Variants in SLC17A8 observed in about 807,000 individuals in gnomAD.
The protein encoded by SLC17A8 is vesicular glutamate transporter 3.
SLC17A8 carries 31 observed loss-of-function variants against 58.0 expected under a neutral mutation model. The ratio of observed to expected loss-of-function variants is 0.53; its 90% CI spans 0.40 to 0.72. The LOEUF is 0.72. Among genes scored for constraint, SLC17A8 ranks in the 30% least tolerant of loss-of-function variants. The pLI is 0.00. For missense variants in SLC17A8, 655 were observed against 727.8 expected (o/e 0.90, Z 1.15); for synonymous variants, 228 against 249.0 (o/e 0.92, Z 0.79).
intron 2 of SLC17A8, among the ~76,000 whole-genome samples, chr12:100,384,042 C>T (rs1835251965): frequency 6.6e-6 from 1 of 152,146 alleles, no homozygotes; most frequent in African/African-American, 2.4e-5. Flanking sequence ...AACATGTGAA[C>T]TCTTAGAAAA....
intron 1 of SLC17A8, among the ~76,000 whole-genome samples, chr12:100,370,496 C>T (rs549034340): frequency 3.3e-5 from 5 of 150,182 alleles, no homozygotes; most frequent in Non-Finnish European, 7.4e-5. Context: ...GGAGTTTTGC[C>T]ATGTTGGCCA....
rs59689031 is a variant in SLC17A8 at position 100,421,658 on chromosome 12, G to GTTTTTTTTTTTTTTTTTTT, written c.*1503_*1521dup. 9.1e-6 allele frequency: 1 copy of GTTTTTTTTTTTTTTTTTTT among 109,872 alleles called. No homozygotes were observed. Among genetic ancestry groups the GTTTTTTTTTTTTTTTTTTT allele is most frequent in the Admixed American group, 1.1e-4 (1 of 9,318 alleles). The allele number at this position is 109,872 out of a possible 1,614,324, so 6.8% of individuals were successfully genotyped here. On this transcript the variant is annotated 3_prime_UTR_variant, in exon 12 of 12. Coordinates refer to ENST00000323346, the MANE Select transcript of SLC17A8 (RefSeq NM_139319.3). ...TACTTGTAGCTTATTATTGTAAAGT[G>GTTTTTTTTTTTTTTTTTTT]TTTTTTTTTTTTTTTTTTTTTTCTA...
chr12:100,404,417 A>T, intron 9 of SLC17A8: 1 of 505,522 alleles, frequency 2.0e-6, no homozygotes, highest in East Asian at 3.6e-5. Context: ...TTCTCTGCTT[A>T]CCTTTCTACC....
intron 9 of SLC17A8, 143 bp from the exon 10 acceptor site, chr12:100,412,627 T>G: frequency 3.1e-6 from 2 of 636,162 alleles, no homozygotes; most frequent in South Asian, 3.5e-5. Flanking sequence ...ATTCCAGAAC[T>G]TAAAGTAAAA....
At chr12:100,359,673 A>C (rs1952472045) in intron 1 of SLC17A8, among the ~76,000 whole-genome samples, 2 of 152,208 alleles carry the variant, frequency 1.3e-5, no homozygotes, top group South Asian at 4.1e-4. Context: ...ACATTGCTTG[A>C]GCGGTGATCC....
chr12:100,396,208 A>G (rs555540597), intron 4 of SLC17A8, 122 bp from the exon 5 acceptor site: 54 of 780,834 alleles, frequency 6.9e-5, no homozygotes, highest in Admixed American at 3.6e-4. Context: ...CATTCAACCT[A>G]CAACAGTGTC....
intron 9 of SLC17A8, chr12:100,404,507 C>G (rs1952813120): frequency 5.0e-6 from 1 of 200,324 alleles, no homozygotes; most frequent in African/African-American, 2.3e-5. Context: ...TATATGCACA[C>G]ACACACACAC....
chr12:100,369,429 G>C (rs1443320552), intron 1 of SLC17A8, among the ~76,000 whole-genome samples: 2 of 152,330 alleles, frequency 1.3e-5, no homozygotes, highest in African/African-American at 4.8e-5. Flanking sequence ...ACCACTGCCT[G>C]CTTCTAAGTG....
rs761907974 is a variant in SLC17A8 at position 100,420,026 on chromosome 12, T to C, written c.1637T>C (p.Met546Thr). The C allele has an allele frequency of 7.4e-6, 12 of 1,614,030 alleles. No homozygotes were observed. The highest frequency in any genetic ancestry group is 2.2e-5 in the South Asian group (2 of 91,052). The change falls in exon 12 of 12, where the codon ATG (methionine) becomes ACG (threonine). Residue 546 changes from methionine to threonine, a missense_variant. Physicochemically the swap from Met to Thr is moderately conservative, Grantham distance 81. Transcript: ENST00000323346. ...HESFASPKKK[M>T]SYGATSQNCE... ...AGTTTTGCGAGTCCCAAAAAGAAGA[T>C]GTCTTATGGAGCCACCTCCCAGAAT...
intron 9 of SLC17A8, among the ~76,000 whole-genome samples, chr12:100,406,796 A>G (rs1246960653): frequency 1.3e-5 from 2 of 152,062 alleles, no homozygotes; most frequent in Non-Finnish European, 2.9e-5. Context: ...TCGGCCTTCC[A>G]AAGTGCTGGG....
In SLC17A8 at chr12:100,374,171, G is replaced by C. The variant is rs549432331; in HGVS notation, c.102-6530G>C. On this transcript the variant is annotated intron_variant, in intron 1 of 11. Transcript: ENST00000323346. ...TTTGCCCCCAAGTCACACAGCTCGC[G>C]TATCAGTGGCAGAGCTGGAAATCAA... 2.6e-5 allele frequency among the ~76,000 whole-genome samples: 4 copies of C among 152,286 alleles called. No homozygotes were observed. The South Asian group carries it at 8.3e-4, about 32-fold the overall frequency.
chr12:100,358,443 G>T (rs1952462991), intron 1 of SLC17A8, among the ~76,000 whole-genome samples: 1 of 152,080 alleles, frequency 6.6e-6, no homozygotes, highest in Admixed American at 6.6e-5. Context: ...CAGGCAATCT[G>T]AGATTCATCC....
chr12:100,417,154 C>T (rs1157254316), intron 10 of SLC17A8, among the ~76,000 whole-genome samples: 2 of 152,198 alleles, frequency 1.3e-5, no homozygotes, highest in Non-Finnish European at 2.9e-5. Context: ...GATCCACCCG[C>T]CTCAGCCTCC....
chr12:100,361,427 A>G (rs2135967229), intron 1 of SLC17A8, among the ~76,000 whole-genome samples: 1 of 152,266 alleles, frequency 6.6e-6, no homozygotes, highest in Admixed American at 6.5e-5. Flanking sequence ...CTGATGGCTC[A>G]TTCCCTCGCT....
chr12:100,386,358 T>C (rs1324482751), intron 2 of SLC17A8, among the ~76,000 whole-genome samples: 1 of 152,194 alleles, frequency 6.6e-6, no homozygotes, highest in Non-Finnish European at 1.5e-5. Flanking sequence ...GTTTTTAGTG[T>C]ACAATACATT....
intron 9 of SLC17A8, 45 bp from the exon 10 acceptor site, chr12:100,412,725 C>A (rs11568536): frequency 8.0e-7 from 1 of 1,255,028 alleles, no homozygotes; most frequent in Non-Finnish European, 1.2e-6. Flanking sequence ...TTGGGTTGAC[C>A]GATATGAAAA....
intron 5 of SLC17A8, among the ~76,000 whole-genome samples, chr12:100,398,978 C>T (rs922407647): frequency 7.9e-5 from 12 of 152,118 alleles, no homozygotes; most frequent in African/African-American, 4.8e-5. Context: ...TCCCCCGCCA[C>T]GTGGAACTGT....
chr12:100,379,883 T>G (rs1952621552), intron 1 of SLC17A8, among the ~76,000 whole-genome samples: 1 of 151,974 alleles, frequency 6.6e-6, no homozygotes, highest in Non-Finnish European at 1.5e-5. Context: ...CCTCTCCACC[T>G]CCACTTAGTA....
At chr12:100,419,738 A>C (rs1952933527) in intron 11 of SLC17A8, 77 bp from the exon 12 acceptor site, 3 of 1,429,832 alleles carry the variant, frequency 2.1e-6, no homozygotes, top group Non-Finnish European at 2.9e-6. Context: ...GCTTTTTCAC[A>C]GTGGAGGCCT....
Sources: gnomAD v4.1 joint callset for allele counts (sites outside exome capture counted in the v4.1 genomes callset) on GRCh38, gnomAD v4.1.1 for gene constraint, MANE v1.5 for transcripts, NCBI Gene and HGNC (gene_info 2026-07-23, HGNC 2026-07-21) for gene names.